The following GDA variants were observed in gnomAD, a reference collection of about 807,000 sequenced individuals.
GDA encodes cytoplasmic PSD-95 interactor.
Under a neutral mutation model 59.6 loss-of-function variants are expected in GDA, and 18 were observed. That is an observed-to-expected ratio of 0.30 (90% CI 0.21 to 0.45). GDA has a LOEUF of 0.45. Among genes scored for constraint, GDA ranks in the 20% least tolerant of loss-of-function variants. The probability of loss-of-function intolerance (pLI) is 1.00; values close to 1 mark genes in which losing one functional copy is unlikely to be tolerated. For synonymous variants in GDA, 201 were observed against 201.1 expected (o/e 1.00, Z 0.00); for missense variants, 427 against 552.3 (o/e 0.77, Z 2.27).
Position 72,248,524 on chromosome 9 carries a change from C to G in GDA, c.*182C>G. 4 of 1,396,560 alleles carry G rather than the reference C, an allele frequency of 2.9e-6. No individual in the cohort carries two copies. Among genetic ancestry groups the G allele is most frequent in the East Asian group, 2.7e-5 (1 of 37,080 alleles). The allele number at this position is 1,396,560 out of a possible 1,614,324, so 86.5% of individuals were successfully genotyped here. On this transcript the variant is annotated 3_prime_UTR_variant, in exon 14 of 14. Coordinates refer to ENST00000358399, the MANE Select transcript of GDA (RefSeq NM_004293.5). ...AAGGAAGTTGCACTAATTCTCAACT[C>G]TGGTTGAGAGGGTTCATAAATTTCA... is the stretch of plus-strand genomic sequence containing the variant.
intron 1 of GDA, among the ~76,000 whole-genome samples, chr9:72,178,314 A>G (rs865800589): frequency 1.3e-5 from 2 of 152,072 alleles, no homozygotes; most frequent in Middle Eastern, 3.4e-3. Context: ...GACTGGTATT[A>G]TTTAACTAAA....
chr9:72,193,130 T>G (rs1832754425), intron 1 of GDA, among the ~76,000 whole-genome samples: 1 of 151,832 alleles, frequency 6.6e-6, no homozygotes, highest in Non-Finnish European at 1.5e-5. Flanking sequence ...TAATCCCTGG[T>G]ACTTTATTTA....
intron 9 of GDA, chr9:72,229,105 G>A (rs529734189): frequency 1.3e-5 from 2 of 151,188 alleles, no homozygotes; most frequent in Admixed American, 1.3e-4. Flanking sequence ...GGAGGCCAAG[G>A]TGGGCGGATC....
At chr9:72,191,263 C>T (rs567720906) in intron 1 of GDA, among the ~76,000 whole-genome samples, 2 of 152,210 alleles carry the variant, frequency 1.3e-5, no homozygotes, top group East Asian at 1.9e-4. Flanking sequence ...TACTGTGCTG[C>T]GTGCCTTGTT....
At chr9:72,180,086 C>A (rs539418562) in intron 1 of GDA, among the ~76,000 whole-genome samples, 2 of 152,124 alleles carry the variant, frequency 1.3e-5, no homozygotes, top group South Asian at 4.2e-4. Context: ...CATCCGGGCG[C>A]GGTGGCTCAC....
chr9:72,223,072 T>C (rs774166825), intron 6 of GDA, 48 bp from the exon 7 acceptor site: 1 of 935,142 alleles, frequency 1.1e-6, no homozygotes. Flanking sequence ...AGTTAATTTT[T>C]GTATATGATG....
intron 1 of GDA, among the ~76,000 whole-genome samples, chr9:72,190,204 T>A (rs1401176362): frequency 6.6e-6 from 1 of 152,230 alleles, no homozygotes; most frequent in Non-Finnish European, 1.5e-5. Flanking sequence ...CTTGGCTCAC[T>A]GCAACCTCCG....
rs115439844 is a variant in GDA, at chr9:72,139,180, C to T, written c.-100+24347C>T. Among the ~76,000 whole-genome samples the T allele has an allele frequency of 1.4e-3, 212 of 152,094 alleles. 1 individual carries two copies. The highest frequency in any genetic ancestry group is 4.9e-3 in the African/African-American group (205 of 41,500). ...TAGGGCTTTTTTTATATGACTTGTTCGAACCAAGCATTTTGGTGTAGTTGG... is the reference window on the plus strand; with the variant it reads ...TAGGGCTTTTTTTATATGACTTGTTTGAACCAAGCATTTTGGTGTAGTTGG... On this transcript the variant is annotated intron_variant, in intron 1 of 13. Coordinates refer to the GDA transcript ENST00000545168.
intron 5 of GDA, among the ~76,000 whole-genome samples, chr9:72,217,062 A>G (rs970753377): frequency 1.3e-5 from 2 of 152,204 alleles, no homozygotes; most frequent in Non-Finnish European, 2.9e-5. Context: ...GTGGTTGTAA[A>G]ACGCAATAAA....
At chr9:72,173,335 C>CTTT (rs779786795) in intron 1 of GDA, among the ~76,000 whole-genome samples, 1 of 141,380 alleles carries the variant, frequency 7.1e-6, no homozygotes, top group African/African-American at 2.6e-5. Context: ...ACTTCCCCTT[C>CTTT]TTTTTTTTTT....
intron 1 of GDA, among the ~76,000 whole-genome samples, chr9:72,140,718 G>A (rs1826411319): frequency 6.6e-6 from 1 of 152,146 alleles, no homozygotes; most frequent in Admixed American, 6.5e-5. Context: ...GGAAATGACT[G>A]TAATTAACTA....
intron 4 of GDA, among the ~76,000 whole-genome samples, chr9:72,213,672 G>A (rs62561984): frequency 1.1e-4 from 16 of 151,474 alleles, no homozygotes; most frequent in Admixed American, 3.3e-4. Context: ...GCGCGGTGGC[G>A]GGCGCCTGTA....
intron 1 of GDA, among the ~76,000 whole-genome samples, chr9:72,129,369 G>A (rs1050589730): frequency 2.6e-5 from 4 of 152,144 alleles, no homozygotes; most frequent in East Asian, 3.9e-4. Context: ...CGTTCTCCAC[G>A]GGCTGTGCTT....
chr9:72,236,774 C>CTTTT (rs1564168629), intron 10 of GDA, among the ~76,000 whole-genome samples: 3 of 127,594 alleles, frequency 2.4e-5, no homozygotes, highest in Non-Finnish European at 1.6e-5. Context: ...AAAACCACTC[C>CTTTT]TATTTTTTTT....
At chr9:72,216,915 T>G (rs1836208490) in intron 5 of GDA, among the ~76,000 whole-genome samples, 1 of 152,148 alleles carries the variant, frequency 6.6e-6, no homozygotes, top group Non-Finnish European at 1.5e-5. Flanking sequence ...GACCTCGTGA[T>G]CCACCCACCT....
In GDA at chr9:72,123,324, C is replaced by T. The variant is rs547161112; in HGVS notation, c.-100+8491C>T. On this transcript the variant is annotated intron_variant, in intron 1 of 13. Coordinates refer to the GDA transcript ENST00000545168. ...TCAGCCTCCCAAATAGCTGGGACTA[C>T]AGGCACCCGCCACCACACCTGGCTA... Among the ~76,000 whole-genome samples, 6 of 151,492 alleles carry T rather than the reference C, an allele frequency of 4.0e-5. No individual in the cohort carries two copies. In the East Asian group the frequency reaches 1.2e-3, roughly 29 times the overall value.
In GDA at chr9:72,118,100, G is replaced by A. The variant is rs1459901495; in HGVS notation, c.-100+3267G>A. 3.3e-5 allele frequency among the ~76,000 whole-genome samples: 5 copies of A among 151,648 alleles called. No homozygotes were observed. The East Asian group carries it at 7.8e-4, about 24-fold the overall frequency. ...ATCCTGGCTAACATGGTGAAACCCCGTCTCCACTAAAAATACAAAAAATTA... is the reference window on the plus strand; with the variant it reads ...ATCCTGGCTAACATGGTGAAACCCCATCTCCACTAAAAATACAAAAAATTA... On this transcript the variant is annotated intron_variant, in intron 1 of 13. Transcript: ENST00000545168.
At chr9:72,127,141 A>G (rs1825874624) in intron 1 of GDA, among the ~76,000 whole-genome samples, 1 of 152,054 alleles carries the variant, frequency 6.6e-6, no homozygotes, top group Non-Finnish European at 1.5e-5. Context: ...GATCTTGTTC[A>G]CACAGCATGA....
intron 10 of GDA, among the ~76,000 whole-genome samples, chr9:72,235,920 C>T (rs1025219226): frequency 6.6e-6 from 1 of 152,058 alleles, no homozygotes; most frequent in Admixed American, 6.6e-5. Flanking sequence ...TAAACAAGAC[C>T]TATAAACTCA....
Sources: gnomAD v4.1 joint callset for allele counts (sites outside exome capture counted in the v4.1 genomes callset) on GRCh38, gnomAD v4.1.1 for gene constraint, MANE v1.5 for transcripts, NCBI Gene and HGNC (gene_info 2026-07-23, HGNC 2026-07-21) for gene names.